ADORA1: variants seen among roughly 807,000 people sequenced by gnomAD.
ADORA1 encodes the protein adenosine receptor A1.
Under a neutral mutation model 19.9 loss-of-function variants are expected in ADORA1, and 6 were observed. The observed-to-expected ratio is 0.30, with a 90% CI of 0.17 to 0.59. The LOEUF (loss-of-function observed/expected upper bound fraction) is 0.59, where lower values mean the gene tolerates loss of function less well. Ranked by LOEUF, ADORA1 falls within the 20% of genes least tolerant of loss-of-function variation. ADORA1 has a pLI of 0.87. For missense variants in ADORA1, 302 were observed against 439.2 expected (o/e 0.69, Z 2.79); for synonymous variants, 194 against 188.4 (o/e 1.03, Z -0.24).
At chr1:203,154,621 C>G (rs1008528753) in intron 3 of ADORA1, among the ~76,000 whole-genome samples, 2 of 152,166 alleles carry the variant, frequency 1.3e-5, no homozygotes, top group Admixed American at 6.5e-5. Context: ...TAACCACTGC[C>G]TAGTACACAG....
chr1:203,132,748 G>A (rs569424610), intron 3 of ADORA1, among the ~76,000 whole-genome samples: 1 of 152,352 alleles, frequency 6.6e-6, no homozygotes, highest in Admixed American at 6.5e-5. Flanking sequence ...TTGGGAGGCT[G>A]AGACAGGAGA....
chr1:203,132,548 T>C (rs746945963), intron 3 of ADORA1, among the ~76,000 whole-genome samples: 1 of 152,182 alleles, frequency 6.6e-6, no homozygotes, highest in African/African-American at 2.4e-5. Flanking sequence ...ATCTGTTAAA[T>C]GAAGGGGTTG....
chr1:203,165,345 T>G lies in ADORA1; in HGVS notation c.426T>G (p.Pro142=). ...TCTCCTTCGTGGTGGGACTGACCCCTATGTTTGGCTGGAACAATCTGAGTG... is the reference window on the plus strand; with the variant it reads ...TCTCCTTCGTGGTGGGACTGACCCCGATGTTTGGCTGGAACAATCTGAGTG... ...WILSFVVGLT[P]MFGWNNLSAV... Residue 142 remains proline (P), a synonymous_variant, in exon 4 of 4, where the codon CCT becomes CCG. Transcript: ENST00000337894. This position sits in a 1 kb window ranked among gnomAD's most constrained non-coding sequence, Gnocchi z 5.9. 1 of 1,582,502 alleles carries G rather than the reference T, an allele frequency of 6.3e-7. No individual in the cohort carries two copies. The highest frequency in any genetic ancestry group is 1.2e-5 in the South Asian group (1 of 84,832).
At chr1:203,142,162 A>G (rs949671430) in intron 3 of ADORA1, among the ~76,000 whole-genome samples, 13 of 152,328 alleles carry the variant, frequency 8.5e-5, no homozygotes, top group Middle Eastern at 6.8e-3. Context: ...GGGCTGGCAC[A>G]TAGTAGGCAC....
At chr1:203,162,505 C>A (rs879782375) in intron 3 of ADORA1, among the ~76,000 whole-genome samples, 1 of 152,176 alleles carries the variant, frequency 6.6e-6, no homozygotes, top group Admixed American at 6.5e-5. Flanking sequence ...CAGTCCCAGG[C>A]TAGATCCCCC....
Position 203,165,799 on chromosome 1 carries a change from A to G in ADORA1, c.880A>G (p.Lys294Glu), listed in dbSNP as rs1365385172. The G allele has an allele frequency of 6.2e-7, 1 of 1,613,096 alleles. No individual in the cohort carries two copies. The highest frequency in any genetic ancestry group is 8.5e-7 in the Non-Finnish European group (1 of 1,179,468). Residue 294 changes from lysine (K) to glutamate (E), a missense_variant, in exon 4 of 4, where the codon AAG becomes GAG. By Grantham distance (56) the Lys-to-Glu change is moderately conservative. Coordinates refer to ENST00000337894, the MANE Select transcript of ADORA1 (RefSeq NM_000674.3). This position sits in a 1 kb window ranked among gnomAD's most constrained non-coding sequence, Gnocchi z 5.9. ...NPIVYAFRIQ[K>E]FRVTFLKIWN... The stretch of plus-strand genomic sequence containing the variant: ...CATTGTCTATGCCTTCCGCATCCAG[A>G]AGTTCCGCGTCACCTTCCTTAAGAT...
intron 3 of ADORA1, among the ~76,000 whole-genome samples, chr1:203,147,087 T>C (rs1654880746): frequency 6.6e-6 from 1 of 152,210 alleles, no homozygotes; most frequent in South Asian, 2.1e-4. Flanking sequence ...ATCCAAGTTG[T>C]AGCCGTAGGC....
At chr1:203,163,358 T>C (rs1297672098) in intron 3 of ADORA1, among the ~76,000 whole-genome samples, 2 of 152,162 alleles carry the variant, frequency 1.3e-5, no homozygotes, top group Non-Finnish European at 1.5e-5. Context: ...CAGCCCGAGT[T>C]TGGGTCTTCT....
intron 3 of ADORA1, among the ~76,000 whole-genome samples, chr1:203,155,975 G>T (rs1245631702): frequency 3.9e-5 from 6 of 152,208 alleles, no homozygotes; most frequent in Admixed American, 6.5e-5. Flanking sequence ...CTTATCTCTT[G>T]TTCCCTGAGA....
intron 3 of ADORA1, among the ~76,000 whole-genome samples, chr1:203,154,743 C>T (rs183677376): frequency 8.9e-4 from 135 of 152,242 alleles, no homozygotes; most frequent in African/African-American, 2.9e-3. Context: ...TGCAGCCTGC[C>T]GGGGTCAGCC....
chr1:203,144,081 T>TACACACACACACACACACACACACAC (rs10525873), intron 3 of ADORA1, among the ~76,000 whole-genome samples: 1 of 139,772 alleles, frequency 7.2e-6, no homozygotes, highest in Non-Finnish European at 1.5e-5. Flanking sequence ...GACTACCTCT[T>TACACACACACACACACACACACACAC]ACACACACAC....
chr1:203,161,871 G>A (rs985845897), intron 3 of ADORA1, among the ~76,000 whole-genome samples: 3 of 152,150 alleles, frequency 2.0e-5, no homozygotes, highest in Admixed American at 6.5e-5. Flanking sequence ...CACCGCGCCC[G>A]GCCCCCTCAG....
chr1:203,150,876 C>T, intron 3 of ADORA1: 1 of 1,179,556 alleles, frequency 8.5e-7, no homozygotes, highest in South Asian at 1.4e-5. Flanking sequence ...TTTAGGGGGC[C>T]CTGACAGCCC....
In ADORA1 at chr1:203,129,146, C is replaced by T; in HGVS notation, c.305C>T (p.Ala102Val). The T allele has an allele frequency of 6.2e-7, 1 of 1,613,710 alleles. No individual in the cohort carries two copies. Among genetic ancestry groups the T allele is most frequent in the South Asian group, 1.1e-5 (1 of 90,988 alleles). ...TCCATCCTGGCCCTGCTGGCAATTGCTGTGGACCGCTACCTCCGGGTCAAG... is the reference window on the plus strand; with the variant it reads ...TCCATCCTGGCCCTGCTGGCAATTGTTGTGGACCGCTACCTCCGGGTCAAG... The part of the protein sequence containing the change: ...QSSILALLAI[A>V]VDRYLRVKIP... Residue 102 changes from alanine (A) to valine (V), a missense_variant, in exon 3 of 4, where the codon GCT becomes GTT. Coordinates refer to ENST00000337894, the MANE Select transcript of ADORA1 (RefSeq NM_000674.3).
chr1:203,136,495 T>C (rs1418042033), intron 3 of ADORA1, among the ~76,000 whole-genome samples: 1 of 152,220 alleles, frequency 6.6e-6, no homozygotes, highest in Non-Finnish European at 1.5e-5. Context: ...GCACCTGCTA[T>C]ATGTCAGGCA....
chr1:203,132,849 T>TATAA (rs1364701739), intron 3 of ADORA1, among the ~76,000 whole-genome samples: 1 of 151,926 alleles, frequency 6.6e-6, no homozygotes, highest in Non-Finnish European at 1.5e-5. Flanking sequence ...TCTGTCTCAA[T>TATAA]ATAAATAAAT....
chr1:203,128,528 G>C lies in ADORA1; in HGVS notation c.-58+96G>C. The C allele has an allele frequency of 3.0e-6, 3 of 1,016,790 alleles. No individual in the cohort carries two copies. Among genetic ancestry groups the C allele is most frequent in the Non-Finnish European group, 4.0e-6 (3 of 749,868 alleles). The allele number at this position is 1,016,790 out of a possible 1,614,324, so 63.0% of individuals were successfully genotyped here. A position where few individuals can be genotyped will look rare whatever the true frequency, so the allele number is the denominator to read the frequency against. ...GTGTCTGTGTGTGCGCGCGCGCTGG[G>C]AGCTGCCTCACACCTGATAAAAAAG... On this transcript the variant is annotated intron_variant, in intron 2 of 3. Coordinates refer to ENST00000337894, the MANE Select transcript of ADORA1 (RefSeq NM_000674.3). The surrounding 1 kb of genome is among the most constrained non-coding windows in gnomAD (Gnocchi z 5.9).
At chr1:203,136,394 C>G (rs1422191759) in intron 3 of ADORA1, among the ~76,000 whole-genome samples, 1 of 152,140 alleles carries the variant, frequency 6.6e-6, no homozygotes, top group Non-Finnish European at 1.5e-5. Flanking sequence ...TGCTCCTTAC[C>G]TTGGAATTTT....
Position 203,128,501 on chromosome 1 carries a change from G to A in ADORA1, c.-58+69G>A, listed in dbSNP as rs1034126827. On this transcript the variant is annotated intron_variant, in intron 2 of 3. Transcript: ENST00000337894. This position sits in a 1 kb window ranked among gnomAD's most constrained non-coding sequence, Gnocchi z 5.9. ...CCAGTCATGGGAGACCCCTCTGTGCGTGTGTCTGTGTGTGCGCGCGCGCTG... is the reference window on the plus strand; with the variant it reads ...CCAGTCATGGGAGACCCCTCTGTGCATGTGTCTGTGTGTGCGCGCGCGCTG... 5 of 1,131,740 alleles carry A rather than the reference G, an allele frequency of 4.4e-6. No homozygotes were observed. The African/African-American group carries it at 7.9e-5, about 18-fold the overall frequency. The allele number at this position is 1,131,740 out of a possible 1,614,324, so 70.1% of individuals were successfully genotyped here. A position where few individuals can be genotyped will look rare whatever the true frequency, so the allele number is the denominator to read the frequency against.
Sources: gnomAD v4.1 joint callset for allele counts (sites outside exome capture counted in the v4.1 genomes callset) on GRCh38, gnomAD v4.1.1 for gene constraint, Gnocchi (gnomAD v3.1) non-coding constraint, MANE v1.5 for transcripts, NCBI Gene and HGNC (gene_info 2026-07-23, HGNC 2026-07-21) for gene names.